The following RNF217 variants were observed in gnomAD, a reference collection of about 807,000 sequenced individuals.
The protein encoded by RNF217 is E3 ubiquitin-protein ligase RNF217.
Under a neutral mutation model 57.8 loss-of-function variants are expected in RNF217, and 31 were observed. The ratio of observed to expected loss-of-function variants is 0.54; its 90% CI spans 0.40 to 0.72. The LOEUF is 0.72. Ranked by LOEUF, RNF217 falls within the 30% of genes least tolerant of loss-of-function variation. The pLI is 0.00. For missense variants in RNF217, 696 were observed against 708.3 expected, an observed-to-expected ratio of 0.98 and a Z score of 0.20; for synonymous variants, 313 against 294.0, an observed-to-expected ratio of 1.06 and a Z score of -0.66.
At chr6:125,009,528 C>T (rs115704502) in intron 1 of RNF217, 258 of 386,312 alleles carry the variant, frequency 6.7e-4, no homozygotes, top group African/African-American at 4.6e-3. Flanking sequence ...TCAATGTACT[C>T]ATTTATTATG....
intron 1 of RNF217, among the ~76,000 whole-genome samples, chr6:124,985,107 A>G (rs754133740): frequency 2.9e-4 from 44 of 152,190 alleles, no homozygotes; most frequent in Non-Finnish European, 5.1e-4. Context: ...AAATCAGCAA[A>G]ACCAGATAGT....
intron 1 of RNF217, among the ~76,000 whole-genome samples, chr6:125,029,374 T>C (rs1786249571): frequency 6.6e-6 from 1 of 152,164 alleles, no homozygotes; most frequent in Admixed American, 6.6e-5. Context: ...AAGGAAAATA[T>C]GGTTCCTCTA....
intron 1 of RNF217, among the ~76,000 whole-genome samples, chr6:125,011,919 T>G (rs988489447): frequency 6.6e-6 from 1 of 152,148 alleles, no homozygotes; most frequent in Non-Finnish European, 1.5e-5. Context: ...TCCTCTGTCT[T>G]CATATGCATT....
In RNF217 at chr6:125,091,215, A is replaced by G. The variant is rs2114678910; in HGVS notation, c.*8278A>G. 1 of 152,232 alleles carries G rather than the reference A, an allele frequency of 6.6e-6. No homozygotes were observed. Among genetic ancestry groups the G allele is most frequent in the Non-Finnish European group, 1.5e-5 (1 of 67,924 alleles). 9.4% of individuals were successfully genotyped at this position (152,232 alleles called of 1,614,324 possible). Reference sequence around the variant, plus strand: ...AGGAAGAAGTTGGTGAATAAAAGCCAGGGAAACTGGGTTTATTCTCATTTT... The same window carrying G: ...AGGAAGAAGTTGGTGAATAAAAGCCGGGGAAACTGGGTTTATTCTCATTTT... On this transcript the variant is annotated 3_prime_UTR_variant, in exon 6 of 6. Transcript: ENST00000521654.
intron 1 of RNF217, among the ~76,000 whole-genome samples, chr6:125,024,659 G>A (rs954249286): frequency 1.3e-5 from 2 of 150,356 alleles, no homozygotes; most frequent in East Asian, 2.0e-4. Context: ...GGCAGAGGTC[G>A]CAGTGAGCCA....
chr6:125,021,084 T>C (rs1785817637), intron 1 of RNF217, among the ~76,000 whole-genome samples: 1 of 152,172 alleles, frequency 6.6e-6, no homozygotes, highest in Non-Finnish European at 1.5e-5. Flanking sequence ...TTTTCAGTTC[T>C]GGGAATCTAC....
chr6:124,972,138 G>T (rs928248052), intron 1 of RNF217, among the ~76,000 whole-genome samples: 19 of 152,196 alleles, frequency 1.2e-4, no homozygotes, highest in African/African-American at 4.6e-4. Flanking sequence ...TCTTTTTTGA[G>T]ATTCCCTGTT....
Position 125,082,999 on chromosome 6 carries a change from C to T in RNF217, c.*62C>T. On this transcript the variant is annotated 3_prime_UTR_variant, in exon 6 of 6. Transcript: ENST00000521654. ...TAGGAGCGATACCAAAGGGTACACC[C>T]ATCTGTGAGTCACATCTTGAAAAAC... is the stretch of plus-strand genomic sequence containing the variant. 1 of 1,109,192 alleles carries T rather than the reference C, an allele frequency of 9.0e-7. No homozygotes were observed. Among genetic ancestry groups the T allele is most frequent in the Non-Finnish European group, 1.3e-6 (1 of 776,672 alleles). The allele number at this position is 1,109,192 out of a possible 1,614,324, so 68.7% of individuals were successfully genotyped here. A position where few individuals can be genotyped will look rare whatever the true frequency, so the allele number is the denominator to read the frequency against.
rs149194995 is a variant in RNF217, at chr6:124,978,408, C to T, written c.882+14982C>T. Among the ~76,000 whole-genome samples, 581 of 151,344 alleles carry T rather than the reference C, an allele frequency of 3.8e-3. 6 individuals are homozygous for T. The highest frequency in any genetic ancestry group is 0.013 in the African/African-American group (547 of 41,210). On this transcript the variant is annotated intron_variant, in intron 1 of 5. Coordinates refer to ENST00000521654, the MANE Select transcript of RNF217 (RefSeq NM_001286398.3). The stretch of plus-strand genomic sequence containing the variant: ...ATGGATCAACCAGGCATGCTGTGAG[C>T]GGCTTCCACCTTGGGTGCCAGCAAC...
At chr6:124,992,555 T>C (rs1002318133) in intron 1 of RNF217, among the ~76,000 whole-genome samples, 2 of 152,148 alleles carry the variant, frequency 1.3e-5, no homozygotes, top group Non-Finnish European at 2.9e-5. Flanking sequence ...GTGTATTATA[T>C]AATAAAAGTT....
intron 1 of RNF217, among the ~76,000 whole-genome samples, chr6:124,969,144 T>C (rs1783666164): frequency 6.6e-6 from 1 of 152,238 alleles, no homozygotes; most frequent in South Asian, 2.1e-4. Flanking sequence ...ATTAATCTCA[T>C]TTACTATTCC....
At chr6:125,071,549 C>G (rs1788147594) in intron 3 of RNF217, among the ~76,000 whole-genome samples, 1 of 131,134 alleles carries the variant, frequency 7.6e-6, no homozygotes. Context: ...TATCTTATTA[C>G]AGGTTTTAAT....
rs983058211 is a variant in RNF217, at chr6:125,079,095, G to C, written c.1483+2237G>C. Among the ~76,000 whole-genome samples the C allele has an allele frequency of 3.9e-5, 6 of 152,126 alleles. No homozygotes were observed. The East Asian group carries it at 1.2e-3, about 29-fold the overall frequency. On this transcript the variant is annotated intron_variant, in intron 4 of 5. Transcript: ENST00000521654. Reference sequence around the variant, plus strand: ...GGCCTTCATCTCTCTCACAGCTGAAGGGTGGGAAACATGGTCTTCATTCCG... The same window carrying C: ...GGCCTTCATCTCTCTCACAGCTGAACGGTGGGAAACATGGTCTTCATTCCG...
intron 1 of RNF217, among the ~76,000 whole-genome samples, chr6:125,035,356 G>A (rs371983328): frequency 3.9e-5 from 6 of 152,124 alleles, no homozygotes; most frequent in East Asian, 3.9e-4. Flanking sequence ...GCTCTCTCTC[G>A]GCAGAAACTC....
At chr6:124,982,146 A>G (rs1260029133) in intron 1 of RNF217, among the ~76,000 whole-genome samples, 2 of 152,012 alleles carry the variant, frequency 1.3e-5, no homozygotes, top group East Asian at 3.9e-4. Flanking sequence ...ATTTAGGAAT[A>G]AAAGGGAAAG....
chr6:125,077,127 A>G (rs557233460), intron 4 of RNF217, among the ~76,000 whole-genome samples: 2 of 152,258 alleles, frequency 1.3e-5, no homozygotes, highest in Admixed American at 1.3e-4. Context: ...AAATTTCTGA[A>G]ACCCTGTCGT....
intron 1 of RNF217, among the ~76,000 whole-genome samples, chr6:124,980,066 C>T (rs1231275897): frequency 1.3e-5 from 2 of 152,154 alleles, no homozygotes; most frequent in East Asian, 3.9e-4. Flanking sequence ...TTTCAAGCAA[C>T]GTAGGATTAG....
At chr6:125,026,004 C>T (rs911134265) in intron 1 of RNF217, among the ~76,000 whole-genome samples, 1 of 152,086 alleles carries the variant, frequency 6.6e-6, no homozygotes, top group Non-Finnish European at 1.5e-5. Flanking sequence ...CCCAGAGGGT[C>T]CCAGAGAAGG....
At chr6:125,065,783 T>C (rs917679012) in intron 3 of RNF217, among the ~76,000 whole-genome samples, 2 of 152,194 alleles carry the variant, frequency 1.3e-5, no homozygotes, top group Admixed American at 1.3e-4. Flanking sequence ...TACAGCAAAC[T>C]ACACATAGAA....
Sources: allele counts gnomAD v4.1 joint callset (sites outside exome capture counted in the v4.1 genomes callset), GRCh38; gene constraint gnomAD v4.1.1; transcripts MANE v1.5; gene names NCBI Gene and HGNC (gene_info 2026-07-23, HGNC 2026-07-21).